DSTYK: variants seen among roughly 807,000 people sequenced by gnomAD.
DSTYK encodes dual serine/threonine and tyrosine protein kinase, also known as RIP-homologous kinase.
DSTYK carries 34 observed loss-of-function variants against 98.7 expected under a neutral mutation model. That is an observed-to-expected ratio of 0.34 (90% confidence interval 0.26 to 0.46). The LOEUF (loss-of-function observed/expected upper bound fraction) is 0.46. Among genes scored for constraint, DSTYK ranks in the 20% least tolerant of loss-of-function variants. The probability of loss-of-function intolerance (pLI) is 1.00; values close to 1 mark genes in which losing one functional copy is unlikely to be tolerated. For synonymous variants in DSTYK, 462 were observed against 457.3 expected (o/e 1.01, Z -0.13); for missense variants, 962 against 1,181.7 (o/e 0.81, Z 2.73).
At chr1:205,194,670 G>A (rs12078075) in intron 1 of DSTYK, among the ~76,000 whole-genome samples, 142,404 of 151,516 alleles carry the variant, frequency 0.94, 66,985 homozygotes, top group East Asian at 1. Flanking sequence ...GGCATGAGCC[G>A]CCGTGCCTGG....
At chr1:205,196,675 A>G (rs910029792) in intron 1 of DSTYK, among the ~76,000 whole-genome samples, 1 of 151,956 alleles carries the variant, frequency 6.6e-6, no homozygotes, top group African/African-American at 2.4e-5. Context: ...AAATACAAGA[A>G]CACCTCTCCA....
intron 2 of DSTYK, among the ~76,000 whole-genome samples, chr1:205,178,917 T>C (rs1435375904): frequency 6.6e-6 from 1 of 151,452 alleles, no homozygotes; most frequent in Non-Finnish European, 1.5e-5. Context: ...GGCAGACTGC[T>C]TCAGCCTAGA....
intron 2 of DSTYK, among the ~76,000 whole-genome samples, chr1:205,180,680 G>T (rs1658371044): frequency 6.6e-6 from 1 of 152,132 alleles, no homozygotes; most frequent in African/African-American, 2.4e-5. Flanking sequence ...GCCCAGGCTG[G>T]TCTCAAACTC....
At chr1:205,191,724 G>A (rs1036794028) in intron 1 of DSTYK, among the ~76,000 whole-genome samples, 3 of 152,220 alleles carry the variant, frequency 2.0e-5, no homozygotes, top group Non-Finnish European at 4.4e-5. Context: ...AGGACCTACA[G>A]TGCAGTCTTA....
At chr1:205,199,452 G>A (rs778706765) in intron 1 of DSTYK, among the ~76,000 whole-genome samples, 2 of 152,172 alleles carry the variant, frequency 1.3e-5, no homozygotes, top group Admixed American at 6.5e-5. Flanking sequence ...CTTTCTCAGA[G>A]AGTCTCATTT....
intron 2 of DSTYK, among the ~76,000 whole-genome samples, chr1:205,182,407 A>G (rs918560586): frequency 2.0e-5 from 3 of 151,694 alleles, no homozygotes; most frequent in Non-Finnish European, 4.4e-5. Context: ...TAAAAAGCCA[A>G]AACAAACCAA....
At chr1:205,151,874 C>A (rs1403333278) in intron 10 of DSTYK, among the ~76,000 whole-genome samples, 2 of 152,080 alleles carry the variant, frequency 1.3e-5, no homozygotes, top group African/African-American at 4.8e-5. Flanking sequence ...ACACCTTCTT[C>A]TGGAATTTGT....
Position 205,150,638 on chromosome 1 carries a change from A to G in DSTYK, c.2467+42T>C. 6.8e-7 allele frequency: 1 copy of G among 1,476,454 alleles called. No individual in the cohort carries two copies. The allele number at this position is 1,476,454 out of a possible 1,614,324, so 91.5% of individuals were successfully genotyped here. A position where few individuals can be genotyped will look rare whatever the true frequency, so the allele number is the denominator to read the frequency against. ...AAGGGGTAGCACTCAGGATTAAAGT[A>G]GTACGCCCTGCCCAGACCCACTGCC... On this transcript the variant is annotated intron_variant, in intron 11 of 12. Coordinates refer to ENST00000367162, the MANE Select transcript of DSTYK (RefSeq NM_015375.3). This position sits in a 1 kb window ranked among gnomAD's most constrained non-coding sequence, Gnocchi z 4.1.
intron 2 of DSTYK, 42 bp downstream of exon 2, chr1:205,187,376 G>A (rs1346233083): frequency 1.3e-6 from 2 of 1,542,722 alleles, no homozygotes; most frequent in Non-Finnish European, 1.7e-6. Flanking sequence ...AGGAAAGCTG[G>A]TATATATGTA....
chr1:205,191,500 G>C (rs1189957699), intron 1 of DSTYK, among the ~76,000 whole-genome samples: 1 of 152,194 alleles, frequency 6.6e-6, no homozygotes, highest in Non-Finnish European at 1.5e-5. Context: ...GTAAATGGAG[G>C]GGGGTGGAGT....
At chr1:205,185,681 T>C (rs1297896462) in intron 2 of DSTYK, among the ~76,000 whole-genome samples, 2 of 152,208 alleles carry the variant, frequency 1.3e-5, no homozygotes, top group Admixed American at 1.3e-4. Flanking sequence ...TATATGTGTA[T>C]ATATGTACTG....
At chr1:205,205,788 CT>C (rs1659181989) in intron 1 of DSTYK, among the ~76,000 whole-genome samples, 1 of 152,128 alleles carries the variant, frequency 6.6e-6, no homozygotes, top group Admixed American at 6.6e-5. Context: ...TTTTCCCCTT[CT>C]TTTAAATGCT....
At chr1:205,210,664 T>C (rs1193841931) in intron 1 of DSTYK, among the ~76,000 whole-genome samples, 1 of 152,234 alleles carries the variant, frequency 6.6e-6, no homozygotes, top group East Asian at 1.9e-4. Flanking sequence ...ACCTTAAGCA[T>C]GAGCAACATC....
At chr1:205,191,263 T>G (rs746194584) in intron 1 of DSTYK, among the ~76,000 whole-genome samples, 6 of 152,214 alleles carry the variant, frequency 3.9e-5, no homozygotes, top group Non-Finnish European at 7.3e-5. Context: ...AATCTTTAGC[T>G]TTTTCATCCA....
At chr1:205,149,059 C>T (rs10900453) in intron 11 of DSTYK, among the ~76,000 whole-genome samples, 75,623 of 151,692 alleles carry the variant, frequency 0.5, 21,528 homozygotes, top group Non-Finnish European at 0.64. Context: ...TGTGCCACCA[C>T]GCCCGGCCTA....
intron 3 of DSTYK, among the ~76,000 whole-genome samples, chr1:205,166,914 T>G (rs1304635777): frequency 6.6e-6 from 1 of 152,248 alleles, no homozygotes; most frequent in African/African-American, 2.4e-5. Context: ...GAGTCTGTGT[T>G]ATTTGCTGCA....
At chr1:205,167,722 G>A (rs1657929697) in intron 3 of DSTYK, among the ~76,000 whole-genome samples, 1 of 152,204 alleles carries the variant, frequency 6.6e-6, no homozygotes, top group East Asian at 1.9e-4. Context: ...AGCCAGTAAA[G>A]GTGAACTGAA....
rs113642820 is a variant in DSTYK at position 205,180,203 on chromosome 1, G to A, written c.654+7215C>T. On this transcript the variant is annotated intron_variant, in intron 2 of 12. Transcript: ENST00000367162. ...TATGGTTTGCTGCACCTATCAACCC[G>A]TCATCTAGGTTTCAAGCTCCACCTG... is the stretch of plus-strand genomic sequence containing the variant. Among the ~76,000 whole-genome samples, 1,322 of 152,180 alleles carry A rather than the reference G, an allele frequency of 8.7e-3. 22 individuals carry two copies. The highest frequency in any genetic ancestry group is 0.03 in the African/African-American group (1,254 of 41,532).
In DSTYK at chr1:205,188,224, G is replaced by A. The variant is rs1226888547; in HGVS notation, c.266-418C>T. Among the ~76,000 whole-genome samples the A allele has an allele frequency of 2.0e-5, 3 of 152,200 alleles. No homozygotes were observed. In the East Asian group the frequency reaches 5.8e-4, roughly 29 times the overall value. Reference sequence around the variant, plus strand: ...CCCAAGGAGAAACGTAACTGAATGTGTCAAAATTAAACCCTTTCTTCTGAC... The same window carrying A: ...CCCAAGGAGAAACGTAACTGAATGTATCAAAATTAAACCCTTTCTTCTGAC... On this transcript the variant is annotated intron_variant, in intron 1 of 12. Coordinates refer to ENST00000367162, the MANE Select transcript of DSTYK (RefSeq NM_015375.3).
Sources: allele counts gnomAD v4.1 joint callset (sites outside exome capture counted in the v4.1 genomes callset), GRCh38; gene constraint gnomAD v4.1.1; non-coding constraint Gnocchi (gnomAD v3.1); transcripts MANE v1.5; gene names NCBI Gene and HGNC (gene_info 2026-07-23, HGNC 2026-07-21).